ANKRD42: variants seen among roughly 807,000 people sequenced by gnomAD.
ANKRD42 encodes ankyrin repeat domain 42, also known as ankyrin repeat domain-containing protein 42.
In ANKRD42, 43 loss-of-function variants were observed where a neutral mutation model predicts 51.5. The ratio of observed to expected loss-of-function variants is 0.83; its 90% CI spans 0.65 to 1.08. The LOEUF (loss-of-function observed/expected upper bound fraction) is 1.08, where lower values mean the gene tolerates loss of function less well. Among genes scored for constraint, ANKRD42 ranks in the 50% least tolerant of loss-of-function variants. The pLI, the probability that ANKRD42 is intolerant of heterozygous loss-of-function variation, is 0.00. For missense variants in ANKRD42, 608 were observed against 629.3 expected (o/e 0.97, Z 0.36); for synonymous variants, 203 against 213.0 (o/e 0.95, Z 0.41).
chr11:83,206,625 G>A (rs961809587), intron 3 of ANKRD42, among the ~76,000 whole-genome samples: 3 of 152,216 alleles, frequency 2.0e-5, no homozygotes, highest in Non-Finnish European at 4.4e-5. Flanking sequence ...TCCACCATAT[G>A]AGGATGCTGT....
At chr11:83,215,438 A>G (rs1012249762) in intron 5 of ANKRD42, among the ~76,000 whole-genome samples, 8 of 152,218 alleles carry the variant, frequency 5.3e-5, no homozygotes, top group Admixed American at 3.9e-4. Flanking sequence ...AAGTCCATCT[A>G]CATTCAGTGT....
At chr11:83,242,568 T>TTTTTTTTTG (rs1863422955) in intron 9 of ANKRD42, among the ~76,000 whole-genome samples, 1 of 47,342 alleles carries the variant, frequency 2.1e-5, no homozygotes, top group African/African-American at 1.5e-4. Flanking sequence ...GGTAGTTAAG[T>TTTTTTTTTG]TTTTTTTTTT....
At chr11:83,250,087 A>G (rs1273583622), downstream of ANKRD42, among the ~76,000 whole-genome samples, 1 of 152,114 alleles carries the variant, frequency 6.6e-6, no homozygotes, top group African/African-American at 2.4e-5. Context: ...TTTATCTGGG[A>G]GTCTAATTAT....
chr11:83,193,747 A>G lies in ANKRD42; in HGVS notation c.-924A>G. On this transcript the variant is annotated 5_prime_UTR_variant, in exon 1 of 11. Coordinates refer to ENST00000533342, the MANE Select transcript of ANKRD42 (RefSeq NM_001300975.2). The stretch of plus-strand genomic sequence containing the variant: ...AAGGCGACGGCCCTGCTGCCTCTCC[A>G]GCCAAGTGGCTGGAGTCGGGAGGCT... 1 of 428,658 alleles carries G rather than the reference A, an allele frequency of 2.3e-6. No homozygotes were observed. Among genetic ancestry groups the G allele is most frequent in the Non-Finnish European group, 4.7e-6 (1 of 214,498 alleles). 26.6% of individuals were successfully genotyped at this position (428,658 alleles called of 1,614,324 possible). A position where few individuals can be genotyped will look rare whatever the true frequency, so the allele number is the denominator to read the frequency against.
chr11:83,216,797 G>A (rs938601625), intron 5 of ANKRD42, among the ~76,000 whole-genome samples: 1 of 152,192 alleles, frequency 6.6e-6, no homozygotes, highest in Admixed American at 6.5e-5. Context: ...CAGGAAATGA[G>A]TGAGTTTCAC....
chr11:83,240,388 GC>G (rs1004600652), intron 8 of ANKRD42, among the ~76,000 whole-genome samples: 1 of 152,106 alleles, frequency 6.6e-6, no homozygotes, highest in African/African-American at 2.4e-5. Context: ...TCTAAATTAG[GC>G]CAAGAAAAGG....
chr11:83,246,021 T>C (rs974550089), intron 10 of ANKRD42, among the ~76,000 whole-genome samples: 2 of 152,214 alleles, frequency 1.3e-5, no homozygotes, highest in African/African-American at 4.8e-5. Context: ...GAGAATGCTC[T>C]TGCATCTAGA....
chr11:83,215,767 T>G (rs906593291), intron 5 of ANKRD42, among the ~76,000 whole-genome samples: 2 of 152,114 alleles, frequency 1.3e-5, no homozygotes, highest in East Asian at 3.9e-4. Flanking sequence ...TTTGGCCTTT[T>G]TGTTGCTTCT....
chr11:83,262,809 G>C (rs1051805054), downstream of ANKRD42, among the ~76,000 whole-genome samples: 1 of 152,088 alleles, frequency 6.6e-6, no homozygotes, highest in African/African-American at 2.4e-5. Flanking sequence ...TTAAGAAATG[G>C]GATTAGGCAT....
chr11:83,257,916 G>A (rs1477153968), downstream of ANKRD42, among the ~76,000 whole-genome samples: 6 of 152,174 alleles, frequency 3.9e-5, no homozygotes, highest in African/African-American at 9.7e-5. Flanking sequence ...GTCTGTGGCC[G>A]CGCAGGATAA....
chr11:83,238,029 A>T (rs1256986255), intron 8 of ANKRD42, among the ~76,000 whole-genome samples: 1 of 152,214 alleles, frequency 6.6e-6, no homozygotes, highest in East Asian at 1.9e-4. Flanking sequence ...TTATTTTGAG[A>T]TTCATCTGTG....
intron 7 of ANKRD42, among the ~76,000 whole-genome samples, chr11:83,233,749 C>T (rs1296275022): frequency 6.6e-6 from 1 of 152,190 alleles, no homozygotes; most frequent in African/African-American, 2.4e-5. Flanking sequence ...GTGGTGCCAT[C>T]TTGGCTCATT....
chr11:83,219,595 C>T (rs180981399), intron 5 of ANKRD42, among the ~76,000 whole-genome samples: 154 of 152,320 alleles, frequency 1.0e-3, no homozygotes, highest in South Asian at 2.1e-3. Flanking sequence ...TCTCTCAAGG[C>T]GGTACCAGTA....
chr11:83,196,629 C>A (rs1024104714), intron 1 of ANKRD42, among the ~76,000 whole-genome samples: 1 of 152,170 alleles, frequency 6.6e-6, no homozygotes, highest in Non-Finnish European at 1.5e-5. Context: ...TGAATATTTC[C>A]ATCGTTGCTT....
rs932255548 is a variant in ANKRD42, at chr11:83,209,608, G to A, written c.331-692G>A. On this transcript the variant is annotated intron_variant, in intron 3 of 10. Transcript: ENST00000533342. ...CAGAACCTCACATATTGCTGTTCCG[G>A]TGCCCACTACCCAAGAAGCCAAAGA... 2.0e-5 allele frequency: 17 copies of A among 867,586 alleles called. No individual in the cohort carries two copies. The Admixed American group carries it at 2.0e-4, about 10-fold the overall frequency. 53.7% of individuals were successfully genotyped at this position (867,586 alleles called of 1,614,324 possible).
chr11:83,200,581 G>A (rs892280177), intron 2 of ANKRD42, among the ~76,000 whole-genome samples: 15 of 152,278 alleles, frequency 9.9e-5, no homozygotes, highest in African/African-American at 3.1e-4. Context: ...GGTGCAGTTC[G>A]TGTTACACAT....
chr11:83,253,308 T>C (rs1307505459), downstream of ANKRD42, among the ~76,000 whole-genome samples: 1 of 152,164 alleles, frequency 6.6e-6, no homozygotes, highest in Non-Finnish European at 1.5e-5. Context: ...GGGAGAAGGG[T>C]TAGTTTTGAC....
At chr11:83,230,356 G>T (rs1233541964) in intron 7 of ANKRD42, among the ~76,000 whole-genome samples, 1 of 152,110 alleles carries the variant, frequency 6.6e-6, no homozygotes, top group Non-Finnish European at 1.5e-5. Flanking sequence ...CCAGTCCCAT[G>T]CTTTCTATTT....
chr11:83,257,667 C>T (rs1453672300), downstream of ANKRD42, among the ~76,000 whole-genome samples: 1 of 152,148 alleles, frequency 6.6e-6, no homozygotes, highest in Non-Finnish European at 1.5e-5. Flanking sequence ...CATTTATCTT[C>T]CCTTCTGGGA....
Sources: allele counts gnomAD v4.1 joint callset (sites outside exome capture counted in the v4.1 genomes callset), GRCh38; gene constraint gnomAD v4.1.1; transcripts MANE v1.5; gene names NCBI Gene and HGNC (gene_info 2026-07-23, HGNC 2026-07-21).